The following SYBU variants were observed in gnomAD, a reference collection of about 807,000 sequenced individuals.
SYBU encodes GOLSYN A protein.
SYBU carries 21 observed loss-of-function variants against 35.9 expected under a neutral mutation model. The observed-to-expected ratio is 0.58, with a 90% CI of 0.41 to 0.84. SYBU has a LOEUF of 0.84. Ranked by LOEUF, SYBU falls within the 40% of genes least tolerant of loss-of-function variation. The probability of loss-of-function intolerance (pLI) is 0.00; values close to 1 mark genes in which losing one functional copy is unlikely to be tolerated. For synonymous variants in SYBU, 319 were observed against 324.3 expected (o/e 0.98, Z 0.18); for missense variants, 768 against 848.2 (o/e 0.91, Z 1.17).
intron 1 of SYBU, among the ~76,000 whole-genome samples, chr8:109,690,151 A>G (rs920799726): frequency 1.3e-5 from 2 of 152,230 alleles, no homozygotes; most frequent in African/African-American, 4.8e-5. Flanking sequence ...GTACTATTGT[A>G]AAATAAATTA....
intron 1 of SYBU, among the ~76,000 whole-genome samples, chr8:109,690,565 G>A (rs916619825): frequency 1.3e-5 from 2 of 152,170 alleles, no homozygotes; most frequent in Admixed American, 6.5e-5. Flanking sequence ...TTCCTTGATA[G>A]CACTACCTGC....
At chr8:109,687,024 G>A (rs2130790480) in intron 1 of SYBU, among the ~76,000 whole-genome samples, 1 of 152,104 alleles carries the variant, frequency 6.6e-6, no homozygotes, top group East Asian at 1.9e-4. Context: ...TACTATTAAT[G>A]CAAAAAACGG....
At chr8:109,612,970 ACT>A (rs1225526747) in intron 3 of SYBU, among the ~76,000 whole-genome samples, 5 of 144,816 alleles carry the variant, frequency 3.5e-5, no homozygotes, top group South Asian at 2.2e-4. Flanking sequence ...ACAGAGAAAG[ACT>A]CTGTTAAAAA....
At chr8:109,648,246 A>AT (rs1452892493), upstream of SYBU, among the ~76,000 whole-genome samples, 3 of 145,988 alleles carry the variant, frequency 2.1e-5, no homozygotes, top group Admixed American at 6.8e-5. Context: ...AATATATAAT[A>AT]ATATATATAT....
chr8:109,666,858 T>C (rs143714519), intron 1 of SYBU, among the ~76,000 whole-genome samples: 1 of 152,224 alleles, frequency 6.6e-6, no homozygotes, highest in Non-Finnish European at 1.5e-5. Flanking sequence ...AAAGAACTTA[T>C]AGCCTTAGGA....
intron 1 of SYBU, among the ~76,000 whole-genome samples, chr8:109,653,409 T>A (rs527919525): frequency 1.3e-5 from 2 of 152,184 alleles, no homozygotes; most frequent in South Asian, 4.2e-4. Flanking sequence ...TGCCTGCCTA[T>A]TACCTTTGGA....
intron 1 of SYBU, among the ~76,000 whole-genome samples, chr8:109,666,744 A>T (rs1816767794): frequency 6.9e-6 from 1 of 144,378 alleles, no homozygotes; most frequent in African/African-American, 2.9e-5. Flanking sequence ...ACTCCATTTC[A>T]GAAAAAAAAG....
intron 2 of SYBU, among the ~76,000 whole-genome samples, chr8:109,624,907 T>C (rs1164498846): frequency 1.3e-5 from 2 of 152,186 alleles, no homozygotes; most frequent in Non-Finnish European, 2.9e-5. Flanking sequence ...GGCAGAGAGT[T>C]GAGTAATTGC....
chr8:109,649,623 T>C (rs1402526819), upstream of SYBU, among the ~76,000 whole-genome samples: 1 of 152,172 alleles, frequency 6.6e-6, no homozygotes, highest in Admixed American at 6.5e-5. Flanking sequence ...AAGGGTCTAA[T>C]CCTCTGATGC....
intron 2 of SYBU, among the ~76,000 whole-genome samples, chr8:109,635,631 T>C (rs543380278): frequency 6.6e-6 from 1 of 152,298 alleles, no homozygotes; most frequent in East Asian, 1.9e-4. Context: ...TCAGTGGAGA[T>C]TTAGACACAA....
chr8:109,643,783 G>C (rs1487544683), intron 1 of SYBU: 5 of 321,122 alleles, frequency 1.6e-5, no homozygotes, highest in South Asian at 7.8e-5. Flanking sequence ...GCACACCAAT[G>C]AATGTCCCTA....
intron 1 of SYBU, among the ~76,000 whole-genome samples, chr8:109,666,929 G>A (rs1278783648): frequency 6.6e-6 from 1 of 151,946 alleles, no homozygotes; most frequent in Non-Finnish European, 1.5e-5. Flanking sequence ...TAATGATCTT[G>A]TTTTAGCTTA....
intron 2 of SYBU, among the ~76,000 whole-genome samples, chr8:109,620,739 CAG>C (rs1443252369): frequency 3.3e-5 from 5 of 152,132 alleles, no homozygotes; most frequent in Non-Finnish European, 5.9e-5. Flanking sequence ...CCCTGAATAA[CAG>C]GGTGATGAGA....
chr8:109,674,207 G>A (rs1200047525), intron 1 of SYBU, among the ~76,000 whole-genome samples: 2 of 150,404 alleles, frequency 1.3e-5, no homozygotes, highest in African/African-American at 2.4e-5. Flanking sequence ...CTCGAGAAGA[G>A]CAACCCCAAG....
chr8:109,663,173 A>T (rs1037595602), intron 1 of SYBU, among the ~76,000 whole-genome samples: 7 of 152,188 alleles, frequency 4.6e-5, no homozygotes, highest in African/African-American at 1.7e-4. Flanking sequence ...TATATCAAGC[A>T]CAAGAAACAT....
chr8:109,643,246 C>A, intron 1 of SYBU: 11 of 999,584 alleles, frequency 1.1e-5, no homozygotes, highest in Non-Finnish European at 1.3e-5. Flanking sequence ...CCTTCCCACC[C>A]TGACTTCTAT....
At chr8:109,690,231 T>C (rs1817616010) in intron 1 of SYBU, among the ~76,000 whole-genome samples, 2 of 152,158 alleles carry the variant, frequency 1.3e-5, no homozygotes, top group African/African-American at 4.8e-5. Context: ...AAAAAATGAT[T>C]TCACCTGGGC....
chr8:109,644,434 T>C (rs1815351993), intron 1 of SYBU, among the ~76,000 whole-genome samples: 1 of 152,134 alleles, frequency 6.6e-6, no homozygotes, highest in Non-Finnish European at 1.5e-5. Context: ...CTCCAAAATC[T>C]ATTCCTCCAG....
Position 109,644,725 on chromosome 8 carries a change from A to G in SYBU, c.-66T>C. Reference sequence around the variant, plus strand: ...CGTCCAGGAGGAGGCACCTGCGAGCACGGAGCGAGGAGACTGCGCTGAGCC... The same window carrying G: ...CGTCCAGGAGGAGGCACCTGCGAGCGCGGAGCGAGGAGACTGCGCTGAGCC... On this transcript the variant is annotated 5_prime_UTR_variant, in exon 1 of 7. Coordinates refer to ENST00000276646, the MANE Select transcript of SYBU (RefSeq NM_001099754.2). 6.9e-7 allele frequency: 1 copy of G among 1,444,598 alleles called. No individual in the cohort carries two copies. The allele number at this position is 1,444,598 out of a possible 1,614,324, so 89.5% of individuals were successfully genotyped here.
Sources: gnomAD v4.1 joint callset for allele counts (sites outside exome capture counted in the v4.1 genomes callset) on GRCh38, gnomAD v4.1.1 for gene constraint, MANE v1.5 for transcripts, NCBI Gene and HGNC (gene_info 2026-07-23, HGNC 2026-07-21) for gene names.